The following TNS3 variants were observed in gnomAD, a reference collection of about 807,000 sequenced individuals.
TNS3 encodes the protein tensin-3.
In TNS3, 45 loss-of-function variants were observed where a neutral mutation model predicts 140.9. The observed-to-expected ratio is 0.32, with a 90% CI of 0.25 to 0.41. The LOEUF (loss-of-function observed/expected upper bound fraction) is 0.41. Ranked by LOEUF, TNS3 falls within the 10% of genes least tolerant of loss-of-function variation. The probability of loss-of-function intolerance (pLI) is 1.00; values close to 1 mark genes in which losing one functional copy is unlikely to be tolerated. For synonymous variants in TNS3, 815 were observed against 788.4 expected, an observed-to-expected ratio of 1.03 and a Z score of -0.56; for missense variants, 1,716 against 1,906.7, an observed-to-expected ratio of 0.90 and a Z score of 1.86.
intron 20 of TNS3, among the ~76,000 whole-genome samples, chr7:47,307,416 G>C (rs1424126546): frequency 6.6e-6 from 1 of 152,188 alleles, no homozygotes; most frequent in Non-Finnish European, 1.5e-5. Context: ...GGACACTTGG[G>C]TTGTTGCCAC....
intron 16 of TNS3, among the ~76,000 whole-genome samples, chr7:47,370,477 G>A (rs1252924597): frequency 6.6e-6 from 1 of 152,200 alleles, no homozygotes; most frequent in Non-Finnish European, 1.5e-5. Context: ...TACATGGAAT[G>A]TCAGGAAAAT....
At position 47,349,186 on chromosome 7, in the gene TNS3, T is replaced by A. The variant is rs1369505304; in HGVS notation, c.2282-2830A>T. On this transcript the variant is annotated intron_variant, in intron 17 of 30. Coordinates refer to ENST00000311160, the MANE Select transcript of TNS3 (RefSeq NM_022748.12). ...CCCAAAGAATTACAACGAAAAACAA[T>A]GTTCTTCATTCAAAAAGAGTCTCAA... 6.6e-5 allele frequency among the ~76,000 whole-genome samples: 10 copies of A among 152,094 alleles called. No homozygotes were observed. In the East Asian group the frequency reaches 1.5e-3, roughly 23 times the overall value.
intron 1 of TNS3, among the ~76,000 whole-genome samples, chr7:47,533,523 G>C (rs1379866900): frequency 6.6e-6 from 1 of 151,624 alleles, no homozygotes; most frequent in Non-Finnish European, 1.5e-5. Flanking sequence ...AGACAAAGTA[G>C]GCTACAGATC....
At chr7:47,534,630 C>T (rs961582287) in intron 1 of TNS3, among the ~76,000 whole-genome samples, 1 of 152,168 alleles carries the variant, frequency 6.6e-6, no homozygotes, top group South Asian at 2.1e-4. Context: ...CAAGACAGAA[C>T]CACCACTGTA....
chr7:47,453,278 G>GACC, intron 4 of TNS3: 1 of 984,360 alleles, frequency 1.0e-6, no homozygotes, highest in East Asian at 1.1e-4. Context: ...AACAAGAACA[G>GACC]CGCTCTCCGG....
At chr7:47,502,924 T>C (rs1798280042) in intron 3 of TNS3, among the ~76,000 whole-genome samples, 2 of 152,156 alleles carry the variant, frequency 1.3e-5, no homozygotes, top group South Asian at 4.1e-4. Context: ...AACAGCAAGC[T>C]GGACCTTCGC....
chr7:47,555,192 G>A (rs1295546365), intron 1 of TNS3, among the ~76,000 whole-genome samples: 1 of 151,750 alleles, frequency 6.6e-6, no homozygotes, highest in Non-Finnish European at 1.5e-5. Context: ...CCTGAGGTCA[G>A]GAGTTCCAGA....
At chr7:47,440,905 G>T (rs1299202591) in intron 5 of TNS3, among the ~76,000 whole-genome samples, 1 of 152,032 alleles carries the variant, frequency 6.6e-6, no homozygotes, top group Non-Finnish European at 1.5e-5. Flanking sequence ...CATATAAAAT[G>T]GTTTTGCAAA....
At chr7:47,362,560 G>C (rs1231636062) in intron 17 of TNS3, among the ~76,000 whole-genome samples, 1 of 152,202 alleles carries the variant, frequency 6.6e-6, no homozygotes, top group Non-Finnish European at 1.5e-5. Flanking sequence ...GCTGGTGTAA[G>C]AGTGTGAGTT....
At chr7:47,374,124 C>A (rs1318769559) in intron 16 of TNS3, among the ~76,000 whole-genome samples, 1 of 152,178 alleles carries the variant, frequency 6.6e-6, no homozygotes, top group Non-Finnish European at 1.5e-5. Flanking sequence ...TCTAAGGGTT[C>A]TAAATTCCAA....
chr7:47,509,573 T>C (rs1798535815), intron 2 of TNS3, among the ~76,000 whole-genome samples: 1 of 152,116 alleles, frequency 6.6e-6, no homozygotes, highest in Non-Finnish European at 1.5e-5. Flanking sequence ...CTCCAGCCCG[T>C]CTGTGCATCA....
intron 2 of TNS3, among the ~76,000 whole-genome samples, chr7:47,512,484 A>C (rs1798645063): frequency 6.6e-6 from 1 of 152,244 alleles, no homozygotes; most frequent in Non-Finnish European, 1.5e-5. Context: ...ATATATATAC[A>C]AACAAAATAT....
At chr7:47,393,162 G>A (rs889065640) in intron 16 of TNS3, among the ~76,000 whole-genome samples, 2 of 152,198 alleles carry the variant, frequency 1.3e-5, no homozygotes, top group South Asian at 4.1e-4. Flanking sequence ...TAGAAATCAT[G>A]CCAAAAATAC....
At chr7:47,465,547 C>T (rs1796673730) in intron 4 of TNS3, among the ~76,000 whole-genome samples, 1 of 152,196 alleles carries the variant, frequency 6.6e-6, no homozygotes, top group South Asian at 2.1e-4. Flanking sequence ...TGCATCCATA[C>T]ACCGACACCC....
At chr7:47,519,560 G>A (rs974509445) in intron 2 of TNS3, among the ~76,000 whole-genome samples, 1 of 152,268 alleles carries the variant, frequency 6.6e-6, no homozygotes, top group South Asian at 2.1e-4. Context: ...ACACACATGG[G>A]TGTGACTGTC....
chr7:47,359,250 C>T (rs927584547), intron 17 of TNS3, among the ~76,000 whole-genome samples: 4 of 152,162 alleles, frequency 2.6e-5, no homozygotes, highest in Admixed American at 6.5e-5. Flanking sequence ...GTAACACGTC[C>T]GGCTCGAAAA....
At chr7:47,418,943 A>G (rs918939679) in intron 10 of TNS3, among the ~76,000 whole-genome samples, 1 of 152,262 alleles carries the variant, frequency 6.6e-6, no homozygotes, top group East Asian at 1.9e-4. Flanking sequence ...CAGCTTACTC[A>G]TTCTACATTC....
At chr7:47,528,634 G>A (rs1799285885) in intron 2 of TNS3, among the ~76,000 whole-genome samples, 1 of 152,200 alleles carries the variant, frequency 6.6e-6, no homozygotes, top group Non-Finnish European at 1.5e-5. Context: ...GCTTAGTTTA[G>A]TGACAGGATC....
intron 4 of TNS3, among the ~76,000 whole-genome samples, chr7:47,477,823 G>A (rs141370029): frequency 1.4e-3 from 208 of 152,250 alleles, no homozygotes; most frequent in African/African-American, 4.0e-3. Context: ...GAAGCCACAC[G>A]GTGCAGGCGG....
Sources: allele counts gnomAD v4.1 joint callset (sites outside exome capture counted in the v4.1 genomes callset), GRCh38; gene constraint gnomAD v4.1.1; transcripts MANE v1.5; gene names NCBI Gene and HGNC (gene_info 2026-07-23, HGNC 2026-07-21).